Variants in SHQ1 observed in about 807,000 individuals in gnomAD.
SHQ1 encodes the protein SHQ1, H/ACA ribonucleoprotein assembly factor, also known as protein SHQ1 homolog.
A neutral mutation model predicts 53.8 loss-of-function variants in SHQ1; 49 were observed. That is an observed-to-expected ratio of 0.91 (90% CI 0.72 to 1.16). The LOEUF (loss-of-function observed/expected upper bound fraction) is 1.16, where lower values mean the gene tolerates loss of function less well. Among genes scored for constraint, SHQ1 ranks in the 50% most tolerant of loss-of-function variants. SHQ1 has a pLI of 0.00. For synonymous variants in SHQ1, 243 were observed against 251.0 expected (o/e 0.97, Z 0.30); for missense variants, 738 against 683.1 (o/e 1.08, Z -0.90).
intron 10 of SHQ1, chr3:72,753,616 C>A (rs150357219): frequency 1.0e-6 from 1 of 985,254 alleles, no homozygotes; most frequent in East Asian, 1.1e-4. Flanking sequence ...TTTCTCTTAG[C>A]CCTGGGTTTC....
At chr3:72,793,869 ACTC>A (rs1706520174) in intron 9 of SHQ1, 1 of 152,206 alleles carries the variant, frequency 6.6e-6, no homozygotes, top group Non-Finnish European at 1.5e-5. Context: ...AGCTGACAAA[ACTC>A]ACATGAACAA....
chr3:72,802,737 A>G (rs945182947), intron 9 of SHQ1, among the ~76,000 whole-genome samples: 1 of 152,078 alleles, frequency 6.6e-6, no homozygotes, highest in African/African-American at 2.4e-5. Flanking sequence ...CTCCTTCCCT[A>G]TTAATCCCTC....
intron 10 of SHQ1, among the ~76,000 whole-genome samples, chr3:72,763,673 G>A (rs1280260230): frequency 6.6e-6 from 1 of 152,230 alleles, no homozygotes; most frequent in Non-Finnish European, 1.5e-5. Context: ...GGGACACAGA[G>A]AATGCCATGT....
chr3:72,739,509 C>T, the SHQ1 span, among the ~76,000 whole-genome samples: 1 of 152,180 alleles, frequency 6.6e-6, no homozygotes, highest in Admixed American at 6.5e-5. Flanking sequence ...GGTTCGGAAG[C>T]CAAGGCTCCC....
chr3:72,840,736 A>G (rs1385809557), intron 4 of SHQ1, among the ~76,000 whole-genome samples: 2 of 152,202 alleles, frequency 1.3e-5, no homozygotes, highest in African/African-American at 2.4e-5. Flanking sequence ...AGTATAAAAC[A>G]TAAAGCTTTG....
intron 10 of SHQ1, chr3:72,753,165 G>T (rs946161013): frequency 1.0e-5 from 10 of 985,314 alleles, no homozygotes; most frequent in Non-Finnish European, 1.2e-5. Context: ...AGGTGACAGT[G>T]AGTGAAAGTG....
At chr3:72,810,927 T>TC (rs1474584859) in intron 9 of SHQ1, among the ~76,000 whole-genome samples, 2 of 152,176 alleles carry the variant, frequency 1.3e-5, no homozygotes, top group Non-Finnish European at 2.9e-5. Context: ...GTGTGTTACT[T>TC]CAAGTTTTAT....
At chr3:72,810,403 T>G (rs1384504146) in intron 9 of SHQ1, among the ~76,000 whole-genome samples, 1 of 152,198 alleles carries the variant, frequency 6.6e-6, no homozygotes, top group African/African-American at 2.4e-5. Flanking sequence ...TGAGGCAAAT[T>G]CCTGGCTCTT....
intron 5 of SHQ1, among the ~76,000 whole-genome samples, chr3:72,826,343 T>A (rs1046316195): frequency 6.6e-6 from 1 of 152,236 alleles, no homozygotes; most frequent in Non-Finnish European, 1.5e-5. Context: ...TCTTTTGAAT[T>A]GAAGTTCTAC....
intron 1 of SHQ1, 91 bp from the exon 2 acceptor site, chr3:72,844,514 A>G: frequency 2.1e-6 from 2 of 942,542 alleles, no homozygotes; most frequent in South Asian, 1.3e-5. Context: ...CCATCAAAAT[A>G]TATCAATCAT....
At chr3:72,773,076 G>A (rs746654966) in intron 10 of SHQ1, 222 of 825,886 alleles carry the variant, frequency 2.7e-4, no homozygotes, top group Admixed American at 5.3e-4. Flanking sequence ...CTAAGTACTC[G>A]GAAATGAGTG....
At chr3:72,729,547 G>A in the SHQ1 span, among the ~76,000 whole-genome samples, 138 of 152,280 alleles carry the variant, frequency 9.1e-4, no homozygotes, top group Non-Finnish European at 1.4e-3. Flanking sequence ...AGAAAAAGAT[G>A]CAAAATTGAA....
In SHQ1 at chr3:72,750,648, G is replaced by C. The variant is rs779590242; in HGVS notation, c.1370C>G (p.Ser457Trp). 7 of 1,613,580 alleles carry C rather than the reference G, an allele frequency of 4.3e-6. No homozygotes were observed. The Admixed American group carries it at 1.0e-4, about 23-fold the overall frequency. Reference sequence around the variant, plus strand: ...TGACACGCTGCTGTCTGAGTCCTCCGAATCACTTGCCTCAGAGCTGGAGCA... The same window carrying C: ...TGACACGCTGCTGTCTGAGTCCTCCCAATCACTTGCCTCAGAGCTGGAGCA... ...TLCSSSEASD[S>W]EDSDSSVSSG... Residue 457 changes from serine to tryptophan, a missense_variant, in exon 11 of 11, where the codon TCG becomes TGG. Physicochemically the swap from Ser to Trp is radical, Grantham distance 177 (BLOSUM62 -3). Transcript: ENST00000325599.
At chr3:72,830,796 A>C (rs527869568) in intron 5 of SHQ1, among the ~76,000 whole-genome samples, 1 of 152,334 alleles carries the variant, frequency 6.6e-6, no homozygotes, top group South Asian at 2.1e-4. Flanking sequence ...TATTAAAGAA[A>C]ATGAGCTTCT....
chr3:72,735,427 G>C, the SHQ1 span, among the ~76,000 whole-genome samples: 1 of 141,338 alleles, frequency 7.1e-6, no homozygotes, highest in Non-Finnish European at 1.5e-5. Context: ...TAGTGGCCCA[G>C]ACTGGGACTG....
chr3:72,807,845 T>A (rs564293288), intron 9 of SHQ1, among the ~76,000 whole-genome samples: 2 of 152,212 alleles, frequency 1.3e-5, no homozygotes, highest in Non-Finnish European at 1.5e-5. Flanking sequence ...TTTCTGAAAA[T>A]TTGTTTATTG....
intron 10 of SHQ1, among the ~76,000 whole-genome samples, chr3:72,787,659 T>A (rs1344496254): frequency 6.6e-6 from 1 of 152,176 alleles, no homozygotes; most frequent in Non-Finnish European, 1.5e-5. Flanking sequence ...TACAGAATGG[T>A]ATGTGCAGTA....
At chr3:72,773,943 G>C (rs1468181273) in intron 10 of SHQ1, among the ~76,000 whole-genome samples, 1 of 152,116 alleles carries the variant, frequency 6.6e-6, no homozygotes, top group Non-Finnish European at 1.5e-5. Context: ...TTTGTAGTTA[G>C]GTTTGAATTT....
downstream of SHQ1, among the ~76,000 whole-genome samples, chr3:72,748,080 C>T (rs114375871): frequency 2.7e-3 from 403 of 151,568 alleles, 3 homozygotes; most frequent in African/African-American, 9.4e-3. Flanking sequence ...GGCTGAAAAA[C>T]TCATAATTCA....
Sources: allele counts gnomAD v4.1 joint callset (sites outside exome capture counted in the v4.1 genomes callset), GRCh38; gene constraint gnomAD v4.1.1; transcripts MANE v1.5; gene names NCBI Gene and HGNC (gene_info 2026-07-23, HGNC 2026-07-21).